Variants in FAM20A observed in about 807,000 individuals in gnomAD.
FAM20A encodes pseudokinase FAM20A.
In FAM20A, 42 loss-of-function variants were observed where a neutral mutation model predicts 52.0. The ratio of observed to expected loss-of-function variants is 0.81; its 90% CI spans 0.63 to 1.04. The LOEUF is 1.04. Among genes scored for constraint, FAM20A ranks in the 50% least tolerant of loss-of-function variants. The pLI, the probability that FAM20A is intolerant of heterozygous loss-of-function variation, is 0.00. For missense variants in FAM20A, 742 were observed against 712.7 expected (o/e 1.04, Z -0.47); for synonymous variants, 304 against 298.9 (o/e 1.02, Z -0.18).
intron 1 of FAM20A, among the ~76,000 whole-genome samples, chr17:68,556,631 C>G (rs1336899935): frequency 6.6e-6 from 1 of 151,964 alleles, no homozygotes; most frequent in Admixed American, 6.6e-5. Flanking sequence ...GCATTAAGGA[C>G]AACATGAGCA....
chr17:68,552,666 C>CTTT lies in FAM20A; in HGVS notation c.641-718_641-716dup, dbSNP rs576230517. 8.0e-3 allele frequency among the ~76,000 whole-genome samples: 538 copies of CTTT among 66,856 alleles called. 78 individuals are homozygous for CTTT. The highest frequency in any genetic ancestry group is 0.025 in the East Asian group (52 of 2,074). 43.9% of individuals were successfully genotyped at this position (66,856 alleles called of 152,430 possible). ...TGGAGCCCTGTAAACCTTTATTTTCCTTTTTTTTTTTTTTTTTTTTTTTTT... is the reference window on the plus strand; with the variant it reads ...TGGAGCCCTGTAAACCTTTATTTTCCTTTTTTTTTTTTTTTTTTTTTTTTTTTT... On this transcript the variant is annotated intron_variant, in intron 3 of 10. Coordinates refer to ENST00000592554, the MANE Select transcript of FAM20A (RefSeq NM_017565.4).
intron 1 of FAM20A, among the ~76,000 whole-genome samples, chr17:68,594,374 G>A (rs1404101116): frequency 6.6e-6 from 1 of 151,538 alleles, no homozygotes; most frequent in African/African-American, 2.4e-5. Flanking sequence ...ACTCCAGCCT[G>A]GGCGACAGAG....
In FAM20A at chr17:68,551,724, T is replaced by TATTA. The variant is rs34614921; in HGVS notation, c.719+148_719+149insTAAT. On this transcript the variant is annotated intron_variant, in intron 4 of 10. Coordinates refer to ENST00000592554, the MANE Select transcript of FAM20A (RefSeq NM_017565.4). ...TTATTATTATTATTATTATTATTATTATCACCCCAAACAGTTCTGTGCTTG... is the reference window on the plus strand; with the variant it reads ...TTATTATTATTATTATTATTATTATTATTAATCACCCCAAACAGTTCTGTGCTTG... The TATTA allele has an allele frequency of 2.0e-3, 580 of 293,760 alleles. 2 individuals are homozygous for TATTA. Among genetic ancestry groups the TATTA allele is most frequent in the African/African-American group, 0.015 (548 of 37,740 alleles). 18.2% of individuals were successfully genotyped at this position (293,760 alleles called of 1,614,324 possible). A position where few individuals can be genotyped will look rare whatever the true frequency, so the allele number is the denominator to read the frequency against.
At chr17:68,547,528 C>T (rs1240520438) in intron 4 of FAM20A, among the ~76,000 whole-genome samples, 2 of 152,206 alleles carry the variant, frequency 1.3e-5, no homozygotes, top group African/African-American at 4.8e-5. Context: ...TGCAGCTTCT[C>T]CATCAGCACT....
chr17:68,600,000 G>C (rs575310327), intron 1 of FAM20A, among the ~76,000 whole-genome samples: 1 of 152,190 alleles, frequency 6.6e-6, no homozygotes, highest in African/African-American at 2.4e-5. Flanking sequence ...CGCTCAAGGG[G>C]AAGGGGCTGA....
rs1312902881 is a variant in FAM20A at position 68,600,047 on chromosome 17, T to C, written c.404+216A>G. 6.6e-6 allele frequency among the ~76,000 whole-genome samples: 1 copy of C among 152,188 alleles called. No homozygotes were observed. Among genetic ancestry groups the C allele is most frequent in the East Asian group, 1.9e-4 (1 of 5,184 alleles). ...CGCTGTGCGGCTGCAATAGAAACTT[T>C]TTCCTCGTACTATCTGACTCCGGGA... On this transcript the variant is annotated intron_variant, in intron 1 of 10. Coordinates refer to ENST00000592554, the MANE Select transcript of FAM20A (RefSeq NM_017565.4). This position sits in a 1 kb window ranked among gnomAD's most constrained non-coding sequence, Gnocchi z 6.2.
At chr17:68,572,626 C>T (rs771426480) in intron 1 of FAM20A, among the ~76,000 whole-genome samples, 1 of 152,240 alleles carries the variant, frequency 6.6e-6, no homozygotes, top group Non-Finnish European at 1.5e-5. Context: ...TTATGCAGAA[C>T]GATCAACTCT....
intron 1 of FAM20A, chr17:68,591,803 TC>T (rs2088320444): frequency 6.6e-6 from 1 of 152,278 alleles, no homozygotes; most frequent in African/African-American, 2.4e-5. Flanking sequence ...CCTCTCCTGT[TC>T]CTGTGTGGTG....
intron 4 of FAM20A, among the ~76,000 whole-genome samples, chr17:68,549,204 A>G (rs2952314): frequency 0.22 from 33,027 of 152,086 alleles, 4,036 homozygotes; most frequent in African/African-American, 0.33. Flanking sequence ...TAAAAAATGA[A>G]AGGCATCCGG....
chr17:68,592,684 T>C (rs915998814), intron 1 of FAM20A, among the ~76,000 whole-genome samples: 9 of 152,352 alleles, frequency 5.9e-5, no homozygotes, highest in African/African-American at 2.2e-4. Context: ...TTGTTTTTCA[T>C]GATCCAGCTT....
intron 1 of FAM20A, among the ~76,000 whole-genome samples, chr17:68,584,348 A>AAAACAAAAC (rs1491466615): frequency 0.17 from 3,758 of 21,858 alleles, 77 homozygotes; most frequent in East Asian, 0.43. Context: ...AAAACAAAAC[A>AAAACAAAAC]AAAAAAAAAC....
At chr17:68,538,684 T>C (rs1278069282) in intron 10 of FAM20A, among the ~76,000 whole-genome samples, 2 of 152,216 alleles carry the variant, frequency 1.3e-5, no homozygotes, top group African/African-American at 4.8e-5. Flanking sequence ...TATGAGCCGA[T>C]ATGAATGCTG....
At chr17:68,580,748 A>C (rs1406816290) in intron 1 of FAM20A, among the ~76,000 whole-genome samples, 1 of 152,114 alleles carries the variant, frequency 6.6e-6, no homozygotes, top group African/African-American at 2.4e-5. Flanking sequence ...ATAGCTAACT[A>C]CCTCTTATGT....
chr17:68,562,326 G>A (rs537547195), intron 1 of FAM20A, among the ~76,000 whole-genome samples: 39 of 152,208 alleles, frequency 2.6e-4, no homozygotes, highest in Admixed American at 1.6e-3. Flanking sequence ...ATGTAGTGAC[G>A]TAGAAGGATG....
At chr17:68,595,654 G>A (rs1336178203) in intron 1 of FAM20A, among the ~76,000 whole-genome samples, 1 of 152,160 alleles carries the variant, frequency 6.6e-6, no homozygotes, top group African/African-American at 2.4e-5. Flanking sequence ...CATTGTTGGC[G>A]GGAGAATCTA....
chr17:68,594,120 G>A (rs945534934), intron 1 of FAM20A, among the ~76,000 whole-genome samples: 1 of 152,208 alleles, frequency 6.6e-6, no homozygotes, highest in African/African-American at 2.4e-5. Context: ...ATGAAGTAAA[G>A]AGCAGTACTG....
rs771957260 is a variant in FAM20A at position 68,552,002 on chromosome 17, G to C, written c.641-51C>G. On this transcript the variant is annotated intron_variant, in intron 3 of 10. Coordinates refer to ENST00000592554, the MANE Select transcript of FAM20A (RefSeq NM_017565.4). ...ACCATGCTTCCGGGCCTCAGCCAAG[G>C]CTTGTGACTCTGTTCCTTCAATAAG... The C allele has an allele frequency of 2.5e-6, 3 of 1,210,186 alleles. No individual in the cohort carries two copies. In the Admixed American group the frequency reaches 5.9e-5, roughly 24 times the overall value. The allele number at this position is 1,210,186 out of a possible 1,614,324, so 75.0% of individuals were successfully genotyped here.
In FAM20A at chr17:68,537,470, C is replaced by T. The variant is rs1221461557; in HGVS notation, c.*7G>A. 10 of 1,613,920 alleles carry T rather than the reference C, an allele frequency of 6.2e-6. No homozygotes were observed. In the South Asian group the frequency reaches 9.9e-5, roughly 16 times the overall value. On this transcript the variant is annotated 3_prime_UTR_variant, in exon 11 of 11. Coordinates refer to ENST00000592554, the MANE Select transcript of FAM20A (RefSeq NM_017565.4). The surrounding 1 kb of genome is among the most constrained non-coding windows in gnomAD (Gnocchi z 4.2). ...GCGTATTTTCTGAAACTGGACTCTG[C>T]CAGCCCTTAGCTTGTCAAGTTAGCC...
intron 3 of FAM20A, among the ~76,000 whole-genome samples, 154 bp from the exon 4 acceptor site, chr17:68,552,105 C>T (rs893897383): frequency 6.6e-6 from 1 of 152,116 alleles, no homozygotes; most frequent in Non-Finnish European, 1.5e-5. Flanking sequence ...GCAGGGTAAA[C>T]GCCATGGTGT....
Sources: allele counts gnomAD v4.1 joint callset (sites outside exome capture counted in the v4.1 genomes callset), GRCh38; gene constraint gnomAD v4.1.1; non-coding constraint Gnocchi (gnomAD v3.1); transcripts MANE v1.5; gene names NCBI Gene and HGNC (gene_info 2026-07-23, HGNC 2026-07-21).